Variants in FAM174A observed in about 807,000 individuals in gnomAD.
FAM174A encodes the protein family with sequence similarity 174 member A.
Under a neutral mutation model 14.3 loss-of-function variants are expected in FAM174A, and 14 were observed. The observed-to-expected ratio is 0.98, with a 90% confidence interval of 0.65 to 1.53. The LOEUF (loss-of-function observed/expected upper bound fraction) is 1.53. Among genes scored for constraint, FAM174A ranks in the 40% most tolerant of loss-of-function variants. The pLI is 0.00. For missense variants in FAM174A, 241 were observed against 249.6 expected (o/e 0.97, Z 0.23); for synonymous variants, 108 against 111.4 (o/e 0.97, Z 0.19).
rs537910095 is a variant in FAM174A at position 100,582,228 on chromosome 5, C to T, written c.570-3953C>T. 5.3e-5 allele frequency among the ~76,000 whole-genome samples: 8 copies of T among 151,720 alleles called. No individual in the cohort carries two copies. In the South Asian group the frequency reaches 1.7e-3, roughly 32 times the overall value. ...CTGTACAAAAGAATTCTAAGTGTTA[C>T]ATGTTTTTTTTTAATAACCTTCAGT... is the stretch of plus-strand genomic sequence containing the variant. On this transcript the variant is annotated intron_variant, in intron 2 of 2. Coordinates refer to ENST00000312637, the MANE Select transcript of FAM174A (RefSeq NM_198507.3).
At chr5:100,543,022 A>G (rs1194368355) in intron 1 of FAM174A, among the ~76,000 whole-genome samples, 1 of 152,070 alleles carries the variant, frequency 6.6e-6, no homozygotes, top group African/African-American at 2.4e-5. Context: ...CAAACCTAGG[A>G]TATTAAGACT....
intron 1 of FAM174A, among the ~76,000 whole-genome samples, chr5:100,538,508 C>CATAT (rs1311845903): frequency 6.7e-6 from 1 of 150,200 alleles, no homozygotes; most frequent in African/African-American, 2.4e-5. Flanking sequence ...AAATACAAAA[C>CATAT]ATATATATAT....
chr5:100,581,514 AGGCCAAGGTGGGCGGATCACTTGAGG>A (rs973218174), intron 2 of FAM174A: 1 of 352,664 alleles, frequency 2.8e-6, no homozygotes, highest in African/African-American at 2.2e-5. Context: ...ACACTTTGGG[AGGCCAAGGTGGGCGGATCACTTGAGG>A]TCTGGAATTC....
intron 1 of FAM174A, among the ~76,000 whole-genome samples, chr5:100,541,605 G>T (rs531480807): frequency 3.3e-5 from 5 of 152,036 alleles, no homozygotes; most frequent in Non-Finnish European, 7.4e-5. Context: ...AAGTACAGAA[G>T]GAAATATTGA....
chr5:100,555,035 G>A (rs567121216), intron 1 of FAM174A, among the ~76,000 whole-genome samples: 29 of 151,780 alleles, frequency 1.9e-4, no homozygotes, highest in Middle Eastern at 3.4e-3. Context: ...CCATTAACTC[G>A]TCATTTAACA....
chr5:100,562,059 G>A lies in FAM174A; in HGVS notation c.440G>A (p.Arg147Lys), dbSNP rs373079038. Residue 147 changes from arginine (R) to lysine (K), a missense_variant, in exon 2 of 3, where the codon AGA becomes AAA. Physicochemically the swap from Arg to Lys is conservative, Grantham distance 26. Transcript: ENST00000312637. The stretch of plus-strand genomic sequence containing the variant: ...TAATTTGTTCTATTTGATAGGATGA[G>A]AAGAAGAAACCGAAAGACTAGGAGA... Reference protein sequence around the residue: ...VYFVVRTVRMRRRNRKTRRYG... With the variant: ...VYFVVRTVRMKRRNRKTRRYG... 1.5e-5 allele frequency: 23 copies of A among 1,557,996 alleles called. No individual in the cohort carries two copies. Among genetic ancestry groups the A allele is most frequent in the Non-Finnish European group, 1.7e-5 (20 of 1,147,898 alleles).
At chr5:100,579,802 A>C (rs1029877079) in intron 2 of FAM174A, among the ~76,000 whole-genome samples, 1 of 152,180 alleles carries the variant, frequency 6.6e-6, no homozygotes, top group African/African-American at 2.4e-5. Flanking sequence ...TTTCTGAAGA[A>C]TTTGGCAATT....
chr5:100,541,713 C>T (rs1746056873), intron 1 of FAM174A, among the ~76,000 whole-genome samples: 1 of 152,020 alleles, frequency 6.6e-6, no homozygotes, highest in Non-Finnish European at 1.5e-5. Flanking sequence ...TTGAAATGTT[C>T]CCATTTCCAT....
At chr5:100,549,115 G>C (rs1746215304) in intron 1 of FAM174A, among the ~76,000 whole-genome samples, 1 of 152,070 alleles carries the variant, frequency 6.6e-6, no homozygotes, top group African/African-American at 2.4e-5. Context: ...CAGGGCTGTA[G>C]ATAGAGTCAG....
At position 100,558,109 on chromosome 5, in the gene FAM174A, A is replaced by T. The variant is rs1304594486; in HGVS notation, c.435-3945A>T. ...AATTTCCCTCTACACACTGCTTTGAATGTGTCCCAGAGATTCTGGTATGTT... is the reference window on the plus strand; with the variant it reads ...AATTTCCCTCTACACACTGCTTTGATTGTGTCCCAGAGATTCTGGTATGTT... On this transcript the variant is annotated intron_variant, in intron 1 of 2. Coordinates refer to ENST00000312637, the MANE Select transcript of FAM174A (RefSeq NM_198507.3). 3.9e-5 allele frequency among the ~76,000 whole-genome samples: 6 copies of T among 152,224 alleles called. No individual in the cohort carries two copies. The East Asian group carries it at 1.2e-3, about 29-fold the overall frequency.
chr5:100,548,151 A>G (rs544354379), intron 1 of FAM174A, among the ~76,000 whole-genome samples: 6 of 152,202 alleles, frequency 3.9e-5, no homozygotes, highest in African/African-American at 1.4e-4. Context: ...CTCCTAGACA[A>G]TGGCTGGCAA....
intron 2 of FAM174A, among the ~76,000 whole-genome samples, chr5:100,574,345 G>A (rs1271309669): frequency 6.6e-6 from 1 of 151,818 alleles, no homozygotes; most frequent in Non-Finnish European, 1.5e-5. Context: ...TGCCCACCAA[G>A]CCTGGCTGAT....
chr5:100,563,842 G>A (rs1249169451), intron 2 of FAM174A, among the ~76,000 whole-genome samples: 1 of 151,788 alleles, frequency 6.6e-6, no homozygotes, highest in East Asian at 1.9e-4. Flanking sequence ...CAGGAAAACA[G>A]GAAAAATTAT....
At chr5:100,572,710 A>G (rs1746817151) in intron 2 of FAM174A, among the ~76,000 whole-genome samples, 1 of 152,164 alleles carries the variant, frequency 6.6e-6, no homozygotes, top group Non-Finnish European at 1.5e-5. Flanking sequence ...CACAATAAAC[A>G]TACATGTGCA....
intron 2 of FAM174A, among the ~76,000 whole-genome samples, chr5:100,584,411 A>G (rs1580380998): frequency 6.6e-6 from 1 of 152,108 alleles, no homozygotes; most frequent in East Asian, 1.9e-4. Flanking sequence ...TTTCTCCTCA[A>G]TGATTTTCTC....
At chr5:100,568,260 A>T (rs114657878) in intron 2 of FAM174A, among the ~76,000 whole-genome samples, 3,792 of 151,886 alleles carry the variant, frequency 0.025, 152 homozygotes, top group African/African-American at 0.087. Flanking sequence ...CTGTCCTTGT[A>T]ACTCGGTCCC....
chr5:100,535,522 C>A lies in FAM174A; in HGVS notation c.-9C>A. 6.2e-7 allele frequency: 1 copy of A among 1,611,706 alleles called. No individual in the cohort carries two copies. Among genetic ancestry groups the A allele is most frequent in the South Asian group, 1.1e-5 (1 of 90,846 alleles). Reference sequence around the variant, plus strand: ...GGCTCCCGGGTGGTGAGAGAGCGGTCCGGGAACGATGAAGGCCTCGCAGTG... The same window carrying A: ...GGCTCCCGGGTGGTGAGAGAGCGGTACGGGAACGATGAAGGCCTCGCAGTG... On this transcript the variant is annotated 5_prime_UTR_variant, in exon 1 of 3. Transcript: ENST00000312637.
chr5:100,578,950 A>G (rs1746953322), intron 2 of FAM174A, among the ~76,000 whole-genome samples: 1 of 151,816 alleles, frequency 6.6e-6, no homozygotes, highest in Non-Finnish European at 1.5e-5. Context: ...ACCTATTTCA[A>G]TATTTGTATT....
At chr5:100,542,061 G>A (rs1231081100) in intron 1 of FAM174A, among the ~76,000 whole-genome samples, 1 of 152,110 alleles carries the variant, frequency 6.6e-6, no homozygotes, top group Non-Finnish European at 1.5e-5. Context: ...CTGATTCCTA[G>A]AATACAACGA....
Sources: gnomAD v4.1 joint callset for allele counts (sites outside exome capture counted in the v4.1 genomes callset) on GRCh38, gnomAD v4.1.1 for gene constraint, MANE v1.5 for transcripts, NCBI Gene and HGNC (gene_info 2026-07-23, HGNC 2026-07-21) for gene names.